Variants in ME3 observed in about 807,000 individuals in gnomAD.
ME3 encodes malic enzyme 3.
A neutral mutation model predicts 68.9 loss-of-function variants in ME3; 48 were observed. The ratio of observed to expected loss-of-function variants is 0.70; its 90% confidence interval spans 0.55 to 0.89. ME3 has a LOEUF of 0.89. Among genes scored for constraint, ME3 ranks in the 40% least tolerant of loss-of-function variants. The pLI is 0.00. For missense variants in ME3, 675 were observed against 797.4 expected (o/e 0.85, Z 1.85); for synonymous variants, 320 against 318.8 (o/e 1.00, Z -0.04).
chr11:86,596,669 G>C (rs1456813708), intron 2 of ME3, among the ~76,000 whole-genome samples: 2 of 152,146 alleles, frequency 1.3e-5, no homozygotes, highest in African/African-American at 4.8e-5. Context: ...GGATCACCTA[G>C]GCTACCTCTT....
chr11:86,522,267 A>C (rs1954375313), intron 4 of ME3, among the ~76,000 whole-genome samples: 1 of 151,918 alleles, frequency 6.6e-6, no homozygotes, highest in Non-Finnish European at 1.5e-5. Flanking sequence ...CAAACAAACA[A>C]ACAAACAAAA....
At chr11:86,448,739 C>G (rs1949461569) in intron 10 of ME3, among the ~76,000 whole-genome samples, 1 of 152,206 alleles carries the variant, frequency 6.6e-6, no homozygotes, top group African/African-American at 2.4e-5. Flanking sequence ...CTTAGAATGA[C>G]AGGCCATGCC....
chr11:86,573,485 C>A (rs1008302480), intron 2 of ME3, among the ~76,000 whole-genome samples: 1 of 146,510 alleles, frequency 6.8e-6, no homozygotes, highest in Non-Finnish European at 1.5e-5. Flanking sequence ...GATTTTGTAT[C>A]CTGAGACTTT....
downstream of ME3, among the ~76,000 whole-genome samples, chr11:86,440,600 G>A (rs1019468362): frequency 2.0e-5 from 3 of 152,140 alleles, no homozygotes; most frequent in African/African-American, 7.2e-5. Context: ...AAAAAAGAAT[G>A]TCTAAGACTC....
Position 86,572,738 on chromosome 11 carries a change from A to G in ME3, c.184-12915T>C, listed in dbSNP as rs1185926043. Among the ~76,000 whole-genome samples the G allele has an allele frequency of 2.6e-5, 4 of 152,202 alleles. No homozygotes were observed. In the East Asian group the frequency reaches 7.7e-4, roughly 29 times the overall value. ...TATTGTAAATGGTGCTGCAATAAACATATATGTGCATGTGTCTTTATAGTA... is the reference window on the plus strand; with the variant it reads ...TATTGTAAATGGTGCTGCAATAAACGTATATGTGCATGTGTCTTTATAGTA... On this transcript the variant is annotated intron_variant, in intron 2 of 14. Transcript: ENST00000543262.
chr11:86,626,396 T>A (rs1447400999), intron 2 of ME3, among the ~76,000 whole-genome samples: 1 of 152,178 alleles, frequency 6.6e-6, no homozygotes, highest in Non-Finnish European at 1.5e-5. Context: ...AACAGCTCAG[T>A]GTAGTGAACA....
chr11:86,504,594 A>G (rs1192939799), intron 5 of ME3, among the ~76,000 whole-genome samples: 1 of 151,934 alleles, frequency 6.6e-6, no homozygotes, highest in Non-Finnish European at 1.5e-5. Context: ...GGGTTTTACC[A>G]TGTTGGCCAG....
chr11:86,592,629 G>C (rs1428917749), intron 2 of ME3, among the ~76,000 whole-genome samples: 3 of 152,128 alleles, frequency 2.0e-5, no homozygotes, highest in African/African-American at 7.2e-5. Flanking sequence ...ATGCAACTAG[G>C]TCAGTCTCCA....
At chr11:86,573,359 C>T (rs1013698218) in intron 2 of ME3, among the ~76,000 whole-genome samples, 6 of 150,854 alleles carry the variant, frequency 4.0e-5, no homozygotes, top group African/African-American at 1.5e-4. Context: ...TTGCCCATGC[C>T]TATGTCCTGA....
intron 4 of ME3, among the ~76,000 whole-genome samples, chr11:86,544,646 T>C (rs2139370945): frequency 6.6e-6 from 1 of 152,256 alleles, no homozygotes; most frequent in South Asian, 2.1e-4. Flanking sequence ...TAACAAGTTC[T>C]GAAATTAAGG....
chr11:86,530,541 G>C (rs1955132193), intron 4 of ME3, among the ~76,000 whole-genome samples: 1 of 152,152 alleles, frequency 6.6e-6, no homozygotes, highest in Non-Finnish European at 1.5e-5. Context: ...GCATTGCCAA[G>C]ACAATCCTAA....
At chr11:86,605,494 A>C (rs1961496053) in intron 2 of ME3, among the ~76,000 whole-genome samples, 1 of 152,208 alleles carries the variant, frequency 6.6e-6, no homozygotes, top group African/African-American at 2.4e-5. Flanking sequence ...CTTTGCCACC[A>C]AAAACTGCTT....
At chr11:86,571,879 G>A (rs1957816886) in intron 2 of ME3, among the ~76,000 whole-genome samples, 1 of 152,202 alleles carries the variant, frequency 6.6e-6, no homozygotes, top group Admixed American at 6.5e-5. Flanking sequence ...AGGCAGGAGA[G>A]GCATTCAGAG....
chr11:86,469,113 A>G (rs1210119315), intron 7 of ME3, among the ~76,000 whole-genome samples: 1 of 152,140 alleles, frequency 6.6e-6, no homozygotes, highest in Non-Finnish European at 1.5e-5. Flanking sequence ...CTCCATTGGG[A>G]AAGATCATAG....
chr11:86,582,627 C>A (rs1169150005), intron 2 of ME3, among the ~76,000 whole-genome samples: 1 of 152,052 alleles, frequency 6.6e-6, no homozygotes, highest in African/African-American at 2.4e-5. Flanking sequence ...AAATGAGCAG[C>A]AATGACAAGA....
intron 4 of ME3, among the ~76,000 whole-genome samples, chr11:86,526,683 A>G (rs1388825991): frequency 6.6e-6 from 1 of 152,204 alleles, no homozygotes; most frequent in Non-Finnish European, 1.5e-5. Flanking sequence ...CAGAGGAACG[A>G]TCAGGCAGCA....
intron 2 of ME3, among the ~76,000 whole-genome samples, chr11:86,663,553 A>G (rs1273685796): frequency 6.6e-6 from 1 of 152,216 alleles, no homozygotes; most frequent in African/African-American, 2.4e-5. Flanking sequence ...TCTACACATC[A>G]AAGTGAAGGT....
chr11:86,524,954 C>T (rs1176341676), intron 4 of ME3, among the ~76,000 whole-genome samples: 1 of 152,212 alleles, frequency 6.6e-6, no homozygotes, highest in Non-Finnish European at 1.5e-5. Flanking sequence ...AATCTCAGAA[C>T]ATTCAAGATC....
At chr11:86,542,296 G>C (rs1447616070) in intron 4 of ME3, among the ~76,000 whole-genome samples, 1 of 152,184 alleles carries the variant, frequency 6.6e-6, no homozygotes, top group African/African-American at 2.4e-5. Context: ...AAACTGGACA[G>C]AGCATGACTT....
Sources: gnomAD v4.1 joint callset for allele counts (sites outside exome capture counted in the v4.1 genomes callset) on GRCh38, gnomAD v4.1.1 for gene constraint, MANE v1.5 for transcripts, NCBI Gene and HGNC (gene_info 2026-07-23, HGNC 2026-07-21) for gene names.